Variants in GRM7 observed in about 807,000 individuals in gnomAD.
The protein encoded by GRM7 is glutamate metabotropic receptor 7, also known as metabotropic glutamate receptor 7.
A neutral mutation model predicts 84.5 loss-of-function variants in GRM7; 35 were observed. The observed-to-expected ratio is 0.41, with a 90% CI of 0.32 to 0.55. GRM7 has a LOEUF of 0.55. GRM7 is among the 20% of genes least tolerant of loss of function. The pLI, the probability that GRM7 is intolerant of heterozygous loss-of-function variation, is 0.19. For synonymous variants in GRM7, 487 were observed against 455.1 expected, an observed-to-expected ratio of 1.07 and a Z score of -0.89; for missense variants, 1,003 against 1,194.6, an observed-to-expected ratio of 0.84 and a Z score of 2.36.
At chr3:7,320,220 C>A (rs759489680) in intron 4 of GRM7, among the ~76,000 whole-genome samples, 2 of 151,698 alleles carry the variant, frequency 1.3e-5, no homozygotes, top group Non-Finnish European at 2.9e-5. Context: ...TCATCTATTG[C>A]TAGACTCATG....
intron 1 of GRM7, among the ~76,000 whole-genome samples, chr3:6,982,633 T>C (rs1694253417): frequency 6.6e-6 from 1 of 152,062 alleles, no homozygotes; most frequent in African/African-American, 2.4e-5. Context: ...AACCTTTATG[T>C]TATTACTTTA....
chr3:7,557,340 T>C (rs1693814765), intron 7 of GRM7, among the ~76,000 whole-genome samples: 1 of 152,192 alleles, frequency 6.6e-6, no homozygotes, highest in African/African-American at 2.4e-5. Flanking sequence ...AATTCTGATT[T>C]TCTAAATGGC....
chr3:7,344,858 A>T (rs1692817829), intron 4 of GRM7, among the ~76,000 whole-genome samples: 1 of 152,126 alleles, frequency 6.6e-6, no homozygotes, highest in South Asian at 2.1e-4. Context: ...GTTCTGTTGC[A>T]CTTTAGGGTT....
chr3:6,995,784 A>G (rs564314985), intron 1 of GRM7, among the ~76,000 whole-genome samples: 1 of 152,340 alleles, frequency 6.6e-6, no homozygotes, highest in Admixed American at 6.5e-5. Flanking sequence ...TGATCACCAC[A>G]GAAGTAGTAC....
intron 4 of GRM7, among the ~76,000 whole-genome samples, chr3:7,378,398 A>T (rs950539272): frequency 6.6e-6 from 1 of 152,322 alleles, no homozygotes; most frequent in Admixed American, 6.5e-5. Context: ...TATGTATACT[A>T]ATATGAAGTA....
intron 8 of GRM7, among the ~76,000 whole-genome samples, chr3:7,629,876 C>A (rs951235834): frequency 6.6e-6 from 1 of 152,140 alleles, no homozygotes; most frequent in Non-Finnish European, 1.5e-5. Flanking sequence ...AGGAAATTAG[C>A]ACCTTCGATT....
intron 4 of GRM7, among the ~76,000 whole-genome samples, chr3:7,402,699 G>A (rs558067842): frequency 6.6e-6 from 1 of 151,882 alleles, no homozygotes; most frequent in Non-Finnish European, 1.5e-5. Flanking sequence ...AGCTTCTCTA[G>A]GTGTCCAAAA....
In GRM7 at chr3:6,985,595, A is replaced by C. The variant is rs137953978; in HGVS notation, c.519+123688A>C. Among the ~76,000 whole-genome samples the C allele has an allele frequency of 5.3e-5, 8 of 152,320 alleles. No homozygotes were observed. The East Asian group carries it at 1.5e-3, about 29-fold the overall frequency. On this transcript the variant is annotated intron_variant, in intron 1 of 9. Transcript: ENST00000357716. ...GTTATAGATGGAGAAACTGAAGCTC[A>C]AAGTGGCAAAATAGCCCAACGTCAC...
At chr3:6,950,352 C>A (rs949877919) in intron 1 of GRM7, among the ~76,000 whole-genome samples, 1 of 152,184 alleles carries the variant, frequency 6.6e-6, no homozygotes, top group Non-Finnish European at 1.5e-5. Flanking sequence ...GTATCAGCAG[C>A]AGTGGCTGCA....
chr3:7,388,327 T>A lies in GRM7; in HGVS notation c.1034-26696T>A, dbSNP rs376884442. Among the ~76,000 whole-genome samples, 133 of 152,198 alleles carry A rather than the reference T, an allele frequency of 8.7e-4. 4 individuals carry two copies. The South Asian group carries it at 0.026, about 30-fold the overall frequency. Reference sequence around the variant, plus strand: ...CTCTGGCTGGGACTTCCGGATGTGCTGCTGGGTTCAGTTTGCTAGTATTTT... The same window carrying A: ...CTCTGGCTGGGACTTCCGGATGTGCAGCTGGGTTCAGTTTGCTAGTATTTT... On this transcript the variant is annotated intron_variant, in intron 4 of 9. Coordinates refer to ENST00000357716, the MANE Select transcript of GRM7 (RefSeq NM_000844.4).
chr3:7,225,404 A>T (rs1262909968), intron 2 of GRM7, among the ~76,000 whole-genome samples: 1 of 148,132 alleles, frequency 6.8e-6, no homozygotes, highest in Admixed American at 6.8e-5. Flanking sequence ...TTATATATGT[A>T]TAGTAAATGT....
chr3:7,462,864 G>T (rs200218595), intron 7 of GRM7, among the ~76,000 whole-genome samples: 1 of 152,110 alleles, frequency 6.6e-6, no homozygotes, highest in Non-Finnish European at 1.5e-5. Context: ...AACAGGTACC[G>T]TCCATGGCTT....
At chr3:7,600,043 C>T (rs753906877) in intron 8 of GRM7, among the ~76,000 whole-genome samples, 2 of 152,148 alleles carry the variant, frequency 1.3e-5, no homozygotes, top group Non-Finnish European at 2.9e-5. Context: ...ACTGAAGCTA[C>T]TAAACTGTCC....
rs371752226 is a variant in GRM7, at chr3:7,534,576, C to T, written c.1516-43846C>T. On this transcript the variant is annotated intron_variant, in intron 7 of 9. Coordinates refer to ENST00000357716, the MANE Select transcript of GRM7 (RefSeq NM_000844.4). ...CAGAAATAACATTTCCAAGGCCCCA[C>T]CCAGAATCCAAGTGTCTCATTTCAC... 1.2e-4 allele frequency among the ~76,000 whole-genome samples: 19 copies of T among 152,268 alleles called. 2 individuals carry two copies. Among genetic ancestry groups the T allele is most frequent in the Admixed American group, 5.2e-4 (8 of 15,278 alleles).
intron 1 of GRM7, among the ~76,000 whole-genome samples, chr3:6,991,315 C>G (rs1369151116): frequency 6.6e-6 from 1 of 152,196 alleles, no homozygotes; most frequent in Non-Finnish European, 1.5e-5. Flanking sequence ...GGGGGAACTT[C>G]TTTCTCCACC....
intron 1 of GRM7, among the ~76,000 whole-genome samples, chr3:7,011,889 G>A (rs1695381225): frequency 6.6e-6 from 1 of 152,176 alleles, no homozygotes; most frequent in Non-Finnish European, 1.5e-5. Context: ...TTAGGAAATA[G>A]CAAATCAGCC....
intron 2 of GRM7, among the ~76,000 whole-genome samples, chr3:7,198,882 G>T (rs1222174214): frequency 6.6e-6 from 1 of 152,102 alleles, no homozygotes; most frequent in Non-Finnish European, 1.5e-5. Flanking sequence ...TCCTCAAAAG[G>T]GTGGTGAGGT....
At chr3:7,647,471 C>T (rs1698699473) in intron 8 of GRM7, among the ~76,000 whole-genome samples, 1 of 152,042 alleles carries the variant, frequency 6.6e-6, no homozygotes, top group Admixed American at 6.5e-5. Flanking sequence ...ACAAGGGCAC[C>T]CAAAGAGGCT....
intron 2 of GRM7, among the ~76,000 whole-genome samples, chr3:7,191,391 G>A (rs114266608): frequency 0.011 from 1,740 of 151,854 alleles, 19 homozygotes; most frequent in Non-Finnish European, 0.018. Context: ...AGACATCACC[G>A]TTAGTAGAAA....
Sources: gnomAD v4.1 joint callset for allele counts (sites outside exome capture counted in the v4.1 genomes callset) on GRCh38, gnomAD v4.1.1 for gene constraint, MANE v1.5 for transcripts, NCBI Gene and HGNC (gene_info 2026-07-23, HGNC 2026-07-21) for gene names.